Variants in ANKRD13C observed in about 807,000 individuals in gnomAD.
ANKRD13C encodes ankyrin repeat domain 13C.
Under a neutral mutation model 65.5 loss-of-function variants are expected in ANKRD13C, and 16 were observed. That is an observed-to-expected ratio of 0.24 (90% CI 0.17 to 0.37). The LOEUF is 0.37. Among genes scored for constraint, ANKRD13C ranks in the 10% least tolerant of loss-of-function variants. The pLI is 1.00. For synonymous variants in ANKRD13C, 235 were observed against 238.7 expected (o/e 0.98, Z 0.14); for missense variants, 503 against 655.9 (o/e 0.77, Z 2.55).
chr1:70,301,145 T>C (rs1222992937), intron 6 of ANKRD13C, among the ~76,000 whole-genome samples: 1 of 149,594 alleles, frequency 6.7e-6, no homozygotes, highest in African/African-American at 2.6e-5. Flanking sequence ...TTTCTGAATA[T>C]ACATATATAT....
intron 9 of ANKRD13C, 122 bp from the exon 10 acceptor site, chr1:70,276,966 A>G (rs1370118818): frequency 2.8e-5 from 21 of 745,500 alleles, no homozygotes; most frequent in Non-Finnish European, 3.7e-5. Context: ...TCTCTTCAAT[A>G]TAATACTTGA....
At chr1:70,347,073 C>A (rs1682560865) in intron 1 of ANKRD13C, among the ~76,000 whole-genome samples, 1 of 112,468 alleles carries the variant, frequency 8.9e-6, no homozygotes, top group Non-Finnish European at 1.6e-5. Flanking sequence ...GCCTTGGTGA[C>A]AGAGCGAGGC....
chr1:70,266,924 G>C (rs1572013647), intron 12 of ANKRD13C, among the ~76,000 whole-genome samples: 1 of 152,192 alleles, frequency 6.6e-6, no homozygotes, highest in African/African-American at 2.4e-5. Context: ...GTTGGGTAGA[G>C]TATTCTATAA....
At chr1:70,282,821 G>C (rs988310486) in intron 9 of ANKRD13C, among the ~76,000 whole-genome samples, 1 of 152,124 alleles carries the variant, frequency 6.6e-6, no homozygotes, top group Non-Finnish European at 1.5e-5. Context: ...CCACAGCAAA[G>C]ACTAATCCCA....
chr1:70,346,083 C>T (rs1017332506), intron 1 of ANKRD13C, among the ~76,000 whole-genome samples: 2 of 151,964 alleles, frequency 1.3e-5, no homozygotes, highest in South Asian at 2.1e-4. Context: ...CCTCCCATCT[C>T]GTCCTCCCAA....
chr1:70,286,846 C>T (rs191474236), intron 9 of ANKRD13C, among the ~76,000 whole-genome samples: 2 of 152,120 alleles, frequency 1.3e-5, no homozygotes, highest in African/African-American at 2.4e-5. Context: ...ACTAGCCGGG[C>T]GTGGTGGTGG....
At chr1:70,340,589 T>C (rs1440757471) in intron 1 of ANKRD13C, among the ~76,000 whole-genome samples, 1 of 152,120 alleles carries the variant, frequency 6.6e-6, no homozygotes, top group African/African-American at 2.4e-5. Flanking sequence ...TATTGATTTG[T>C]TGTTGTTGTT....
At chr1:70,310,630 T>C (rs1027119249) in intron 5 of ANKRD13C, among the ~76,000 whole-genome samples, 3 of 152,250 alleles carry the variant, frequency 2.0e-5, no homozygotes, top group Admixed American at 6.5e-5. Flanking sequence ...TGCATGTATT[T>C]ATATTTTAGT....
intron 6 of ANKRD13C, among the ~76,000 whole-genome samples, chr1:70,302,116 C>T (rs1680382931): frequency 6.6e-6 from 1 of 152,142 alleles, no homozygotes; most frequent in Admixed American, 6.5e-5. Context: ...AAACATGCCT[C>T]ACATGCTGCA....
At chr1:70,298,219 A>G (rs1680179086) in intron 7 of ANKRD13C, among the ~76,000 whole-genome samples, 1 of 152,220 alleles carries the variant, frequency 6.6e-6, no homozygotes, top group African/African-American at 2.4e-5. Context: ...CCCATTGTCT[A>G]TGAGCAAATT....
intron 5 of ANKRD13C, among the ~76,000 whole-genome samples, chr1:70,309,346 T>A (rs1054596402): frequency 4.7e-5 from 7 of 149,796 alleles, no homozygotes; most frequent in African/African-American, 1.7e-4. Context: ...AGTGCTGGGA[T>A]TACGGCGTGA....
Position 70,354,240 on chromosome 1 carries a change from G to A in ANKRD13C, c.169C>T (p.His57Tyr), listed in dbSNP as rs753469987. 6 of 1,613,422 alleles carry A rather than the reference G, an allele frequency of 3.7e-6. No individual in the cohort carries two copies. The highest frequency in any genetic ancestry group is 3.4e-6 in the Non-Finnish European group (4 of 1,180,030). Residue 57 changes from histidine to tyrosine, a missense_variant, in exon 1 of 13, where the codon CAT (histidine) becomes TAT (tyrosine). Physicochemically the swap from His to Tyr is moderately conservative, Grantham distance 83. Coordinates refer to ENST00000370944, the MANE Select transcript of ANKRD13C (RefSeq NM_030816.5). Reference protein sequence around the residue: ...GKACHKIFSNHHHRLQLKAAP... With the variant: ...GKACHKIFSNYHHRLQLKAAP... ...GCCTTCAGCTGTAGCCGGTGGTGAT[G>A]GTTACTGAAGATCTTATGACAAGCT...
Position 70,354,559 on chromosome 1 carries a change from T to A in ANKRD13C, c.-151A>T. The A allele has an allele frequency of 7.0e-7, 1 of 1,429,774 alleles. No homozygotes were observed. The highest frequency in any genetic ancestry group is 9.1e-7 in the Non-Finnish European group (1 of 1,095,368). The allele number at this position is 1,429,774 out of a possible 1,614,324, so 88.6% of individuals were successfully genotyped here. On this transcript the variant is annotated 5_prime_UTR_variant, in exon 1 of 13. It removes an upstream start codon present in the reference 5' UTR. Coordinates refer to ENST00000370944, the MANE Select transcript of ANKRD13C (RefSeq NM_030816.5). ...AGCCCCCGAGCCTGGGACAAACGCA[T>A]CTCCCGGGGAAGAGCCGGCTCTCGC...
intron 3 of ANKRD13C, among the ~76,000 whole-genome samples, chr1:70,324,158 CCA>C (rs1401663003): frequency 6.6e-6 from 1 of 152,084 alleles, no homozygotes; most frequent in African/African-American, 2.4e-5. Context: ...TTATTTCCTT[CCA>C]CAAAGTTAGA....
In ANKRD13C at chr1:70,296,403, TACTC is replaced by T. The variant is rs373527715; in HGVS notation, c.922-146_922-143del. The stretch of plus-strand genomic sequence containing the variant: ...TTTCTAAATAATGTGAAGTGTTACT[TACTC>T]TAAAAAGAATTAGATGTTTAAATTG... On this transcript the variant is annotated intron_variant, in intron 7 of 12. Transcript: ENST00000370944. 1.3e-3 allele frequency: 1,083 copies of T among 803,262 alleles called. 8 individuals are homozygous for T. In the African/African-American group the frequency reaches 0.017, roughly 13 times the overall value. 49.8% of individuals were successfully genotyped at this position (803,262 alleles called of 1,614,324 possible).
intron 2 of ANKRD13C, among the ~76,000 whole-genome samples, chr1:70,326,388 G>T (rs1265145844): frequency 6.6e-6 from 1 of 151,810 alleles, no homozygotes; most frequent in Non-Finnish European, 1.5e-5. Flanking sequence ...TAATTCCTAT[G>T]TTGGAATATA....
intron 2 of ANKRD13C, among the ~76,000 whole-genome samples, chr1:70,331,748 C>T (rs1167004891): frequency 7.0e-6 from 1 of 143,160 alleles, no homozygotes; most frequent in Non-Finnish European, 1.5e-5. Context: ...ATCGCTTGAA[C>T]TCAGGAGGCA....
chr1:70,271,242 T>A (rs1405673099), intron 11 of ANKRD13C, among the ~76,000 whole-genome samples: 1 of 152,202 alleles, frequency 6.6e-6, no homozygotes, highest in Non-Finnish European at 1.5e-5. Flanking sequence ...CACTGTCAAT[T>A]TATTGTGTGT....
chr1:70,324,562 A>G (rs1428332072), intron 3 of ANKRD13C, among the ~76,000 whole-genome samples: 4 of 151,722 alleles, frequency 2.6e-5, no homozygotes, highest in African/African-American at 7.3e-5. Flanking sequence ...TCAGGTATCA[A>G]TTTTTTTTTA....
Sources: gnomAD v4.1 joint callset for allele counts (sites outside exome capture counted in the v4.1 genomes callset) on GRCh38, gnomAD v4.1.1 for gene constraint, MANE v1.5 for transcripts, NCBI Gene and HGNC (gene_info 2026-07-23, HGNC 2026-07-21) for gene names.